The following NEGR1 variants were observed in gnomAD, a reference collection of about 807,000 sequenced individuals.
NEGR1 encodes IgLON family member 4.
A neutral mutation model predicts 40.9 loss-of-function variants in NEGR1; 10 were observed. The observed-to-expected ratio is 0.24, with a 90% CI of 0.15 to 0.42. The LOEUF (loss-of-function observed/expected upper bound fraction) is 0.42. Among genes scored for constraint, NEGR1 ranks in the 10% least tolerant of loss-of-function variants. NEGR1 has a pLI of 1.00. For missense variants in NEGR1, 352 were observed against 438.9 expected (o/e 0.80, Z 1.77); for synonymous variants, 185 against 166.8 (o/e 1.11, Z -0.84).
intron 6 of NEGR1, chr1:71,421,599 A>G (rs1182424047): frequency 1.3e-5 from 2 of 152,122 alleles, no homozygotes; most frequent in Admixed American, 6.5e-5. Flanking sequence ...GTTCTAACAT[A>G]CATTTTCCAT....
intron 1 of NEGR1, among the ~76,000 whole-genome samples, chr1:71,977,057 T>C (rs1646311180): frequency 6.6e-6 from 1 of 152,172 alleles, no homozygotes; most frequent in African/African-American, 2.4e-5. Context: ...GAGTGGTGGC[T>C]CATGGCTGTA....
At chr1:71,841,966 A>T (rs569985232) in intron 2 of NEGR1, among the ~76,000 whole-genome samples, 1 of 152,202 alleles carries the variant, frequency 6.6e-6, no homozygotes, top group African/African-American at 2.4e-5. Context: ...TCATTTTTGG[A>T]TGAGGAAGCT....
chr1:71,478,853 TGATA>T (rs951725875), intron 6 of NEGR1, among the ~76,000 whole-genome samples: 1 of 150,876 alleles, frequency 6.6e-6, no homozygotes, highest in Non-Finnish European at 1.5e-5. Flanking sequence ...ATACCATGGA[TGATA>T]GATAGGGAAA....
chr1:71,775,164 T>G (rs1314418249), intron 3 of NEGR1, among the ~76,000 whole-genome samples: 1 of 152,180 alleles, frequency 6.6e-6, no homozygotes, highest in African/African-American at 2.4e-5. Context: ...TATCAACGTG[T>G]GAATGCTGAT....
intron 1 of NEGR1, among the ~76,000 whole-genome samples, chr1:72,180,427 T>A (rs934111794): frequency 2.1e-5 from 3 of 146,282 alleles, no homozygotes; most frequent in Admixed American, 1.4e-4. Flanking sequence ...AAAAAAAAAA[T>A]ACCAAAATCT....
intron 1 of NEGR1, among the ~76,000 whole-genome samples, chr1:72,005,144 GA>G (rs1646595937): frequency 6.6e-6 from 1 of 152,018 alleles, no homozygotes; most frequent in Non-Finnish European, 1.5e-5. Flanking sequence ...ATTGAAAGTT[GA>G]AAATAACATA....
chr1:71,407,365 CT>C lies in NEGR1; in HGVS notation c.*80del. 1 of 1,385,246 alleles carries C rather than the reference CT, an allele frequency of 7.2e-7. No homozygotes were observed. Among genetic ancestry groups the C allele is most frequent in the Non-Finnish European group, 1.0e-6 (1 of 994,190 alleles). The allele number at this position is 1,385,246 out of a possible 1,614,324, so 85.8% of individuals were successfully genotyped here. A position where few individuals can be genotyped will look rare whatever the true frequency, so the allele number is the denominator to read the frequency against. On this transcript the variant is annotated 3_prime_UTR_variant, in exon 7 of 7. Transcript: ENST00000357731. ...GCACTGCTGATTATATCCCACGCTG[CT>C]TTTAACAAACTGTACCAGATTGGAT...
At chr1:71,985,114 T>G (rs527827560) in intron 1 of NEGR1, among the ~76,000 whole-genome samples, 63 of 152,304 alleles carry the variant, frequency 4.1e-4, no homozygotes, top group Non-Finnish European at 7.6e-4. Flanking sequence ...GATCTTATCC[T>G]CTACATCACA....
At chr1:71,909,643 G>C (rs1394301671) in intron 2 of NEGR1, among the ~76,000 whole-genome samples, 1 of 151,988 alleles carries the variant, frequency 6.6e-6, no homozygotes, top group Non-Finnish European at 1.5e-5. Context: ...ACTGGAAAGG[G>C]GTTTTTATGT....
intron 6 of NEGR1, among the ~76,000 whole-genome samples, chr1:71,520,945 G>C (rs1487622972): frequency 6.6e-6 from 1 of 152,038 alleles, no homozygotes; most frequent in African/African-American, 2.4e-5. Flanking sequence ...TCTGTGATTA[G>C]ATTAACCCAC....
chr1:72,034,192 T>A (rs1248502203), intron 1 of NEGR1, among the ~76,000 whole-genome samples: 1 of 152,218 alleles, frequency 6.6e-6, no homozygotes, highest in East Asian at 1.9e-4. Flanking sequence ...TCCTCTTATT[T>A]GTAAATATTT....
chr1:72,151,776 T>A (rs1483056729), intron 1 of NEGR1, among the ~76,000 whole-genome samples: 1 of 151,810 alleles, frequency 6.6e-6, no homozygotes, highest in Non-Finnish European at 1.5e-5. Context: ...ATCATAAAAA[T>A]TTTATAAATG....
intron 6 of NEGR1, among the ~76,000 whole-genome samples, chr1:71,567,971 C>T (rs1054283501): frequency 3.9e-5 from 6 of 152,076 alleles, no homozygotes; most frequent in Non-Finnish European, 8.8e-5. Flanking sequence ...TTTCAGTCTC[C>T]AAAACTATAA....
intron 6 of NEGR1, among the ~76,000 whole-genome samples, chr1:71,546,789 G>A (rs1647912324): frequency 6.6e-6 from 1 of 151,622 alleles, no homozygotes; most frequent in South Asian, 2.1e-4. Flanking sequence ...ATTGGGTAAG[G>A]GGTGGCCCTC....
chr1:71,415,005 CT>C (rs1646345796), intron 6 of NEGR1, among the ~76,000 whole-genome samples: 1 of 152,104 alleles, frequency 6.6e-6, no homozygotes, highest in Non-Finnish European at 1.5e-5. Flanking sequence ...TGTCAGTCAG[CT>C]TTCCCGTTTG....
chr1:71,688,778 G>A (rs896358584), intron 4 of NEGR1, among the ~76,000 whole-genome samples: 68 of 152,108 alleles, frequency 4.5e-4, no homozygotes, highest in African/African-American at 1.6e-3. Context: ...TAAACAAAAT[G>A]CTACTTTCTG....
intron 6 of NEGR1, among the ~76,000 whole-genome samples, chr1:71,440,859 A>G (rs1049230945): frequency 9.2e-5 from 14 of 152,234 alleles, no homozygotes; most frequent in African/African-American, 3.4e-4. Context: ...CAGTCCTATA[A>G]TCTCAATCAT....
chr1:71,937,179 A>T (rs1298700276), intron 1 of NEGR1, among the ~76,000 whole-genome samples: 3 of 152,218 alleles, frequency 2.0e-5, no homozygotes, highest in African/African-American at 7.2e-5. Context: ...TACAGAAACC[A>T]AAACGGAAGT....
chr1:72,023,402 C>T (rs1462249918), intron 1 of NEGR1, among the ~76,000 whole-genome samples: 1 of 151,850 alleles, frequency 6.6e-6, no homozygotes, highest in Non-Finnish European at 1.5e-5. Context: ...CTCCCCACAC[C>T]TATTTGCTGG....
Sources: gnomAD v4.1 joint callset for allele counts (sites outside exome capture counted in the v4.1 genomes callset) on GRCh38, gnomAD v4.1.1 for gene constraint, MANE v1.5 for transcripts, NCBI Gene and HGNC (gene_info 2026-07-23, HGNC 2026-07-21) for gene names.